Variants in WDPCP observed in about 807,000 individuals in gnomAD.
WDPCP encodes WD repeat-containing and planar cell polarity effector protein fritz homolog.
WDPCP carries 71 observed loss-of-function variants against 93.1 expected under a neutral mutation model. The observed-to-expected ratio is 0.76, with a 90% confidence interval of 0.63 to 0.93. WDPCP has a LOEUF of 0.93. Ranked by LOEUF, WDPCP falls within the 40% of genes least tolerant of loss-of-function variation. WDPCP has a pLI of 0.00. For missense variants in WDPCP, 844 were observed against 887.4 expected (o/e 0.95, Z 0.62); for synonymous variants, 315 against 315.0 (o/e 1.00, Z 0.00).
intron 1 of WDPCP, among the ~76,000 whole-genome samples, chr2:63,504,883 G>A (rs1482007707): frequency 1.3e-5 from 2 of 151,916 alleles, no homozygotes; most frequent in African/African-American, 4.8e-5. Context: ...ATGCCCTAAA[G>A]AATCTTCCCA....
rs1206070869 is a variant in WDPCP at position 63,297,391 on chromosome 2, A to G, written c.1812+15857T>C. 3.3e-5 allele frequency among the ~76,000 whole-genome samples: 5 copies of G among 152,170 alleles called. No individual in the cohort carries two copies. In the South Asian group the frequency reaches 8.3e-4, roughly 25 times the overall value. On this transcript the variant is annotated intron_variant, in intron 13 of 17. Transcript: ENST00000272321. Reference sequence around the variant, plus strand: ...CAGACACACATTCTTGTAAGACAACAGGATCATTCTCAGGGTATACTTAAG... The same window carrying G: ...CAGACACACATTCTTGTAAGACAACGGGATCATTCTCAGGGTATACTTAAG...
At chr2:63,360,159 T>C (rs1690337812) in intron 12 of WDPCP, 1 of 152,198 alleles carries the variant, frequency 6.6e-6, no homozygotes, top group East Asian at 1.9e-4. Flanking sequence ...GAAAAAGAAG[T>C]ATCTATTAAA....
chr2:63,780,387 G>A (rs532640770), intron 2 of WDPCP, among the ~76,000 whole-genome samples: 15 of 152,282 alleles, frequency 9.9e-5, no homozygotes, highest in African/African-American at 3.4e-4. Flanking sequence ...AAGGGTTCTC[G>A]TGCAGGTCTT....
At chr2:63,206,948 T>C (rs993443331) in intron 14 of WDPCP, among the ~76,000 whole-genome samples, 2 of 152,182 alleles carry the variant, frequency 1.3e-5, no homozygotes, top group African/African-American at 4.8e-5. Flanking sequence ...TTCTTTTTAA[T>C]CTTGCAAAAC....
At chr2:63,644,191 A>T (rs370380407) in intron 3 of WDPCP, among the ~76,000 whole-genome samples, 2 of 150,678 alleles carry the variant, frequency 1.3e-5, no homozygotes, top group African/African-American at 4.9e-5. Flanking sequence ...TTTTGGTATC[A>T]CGGTAATACT....
At chr2:63,180,494 A>G (rs193120079) in intron 14 of WDPCP, among the ~76,000 whole-genome samples, 4 of 152,096 alleles carry the variant, frequency 2.6e-5, no homozygotes, top group Non-Finnish European at 4.4e-5. Flanking sequence ...AGTTCCATCA[A>G]TGTTGCTGCA....
intron 1 of WDPCP, among the ~76,000 whole-genome samples, chr2:63,824,310 C>A (rs975243194): frequency 2.6e-5 from 4 of 151,526 alleles, no homozygotes; most frequent in Non-Finnish European, 5.9e-5. Context: ...AATTAAACTT[C>A]TTTTCTTTAT....
At chr2:63,814,959 G>A (rs6726257) in intron 1 of WDPCP, among the ~76,000 whole-genome samples, 98,760 of 152,050 alleles carry the variant, frequency 0.65, 33,015 homozygotes, top group East Asian at 0.82. Context: ...TATTTACCTA[G>A]AAGTTTCAAA....
At chr2:63,492,260 C>T (rs1222503596) in intron 2 of WDPCP, among the ~76,000 whole-genome samples, 2 of 151,964 alleles carry the variant, frequency 1.3e-5, no homozygotes, top group Admixed American at 6.6e-5. Flanking sequence ...TACACTGTAT[C>T]GTATGTTAAT....
intron 13 of WDPCP, among the ~76,000 whole-genome samples, chr2:63,311,273 G>A (rs551656486): frequency 1.1e-4 from 17 of 152,208 alleles, no homozygotes; most frequent in Non-Finnish European, 2.1e-4. Context: ...TAATCTACAA[G>A]CTTTTAATTT....
chr2:63,837,659 T>G, the WDPCP span, among the ~76,000 whole-genome samples: 2 of 152,236 alleles, frequency 1.3e-5, no homozygotes, highest in African/African-American at 4.8e-5. Flanking sequence ...TGCTCATGGG[T>G]AGTTAACACA....
At chr2:63,686,635 C>T (rs1194477750) in intron 2 of WDPCP, among the ~76,000 whole-genome samples, 1 of 152,078 alleles carries the variant, frequency 6.6e-6, no homozygotes, top group Non-Finnish European at 1.5e-5. Flanking sequence ...CAAATCTATC[C>T]TGAGCAAAAA....
At chr2:63,332,113 T>C (rs1442973621) in intron 12 of WDPCP, among the ~76,000 whole-genome samples, 2 of 150,784 alleles carry the variant, frequency 1.3e-5, no homozygotes, top group African/African-American at 2.4e-5. Context: ...TGTGTATATA[T>C]ATGTATATAT....
upstream of WDPCP, chr2:63,589,475 G>T: frequency 1.5e-6 from 2 of 1,297,544 alleles, no homozygotes; most frequent in South Asian, 2.5e-5. Context: ...CAGGGACCTT[G>T]AAAGCAAAAA....
intron 1 of WDPCP, among the ~76,000 whole-genome samples, chr2:63,584,399 ATAT>A (rs1057058834): frequency 3.5e-4 from 53 of 152,148 alleles, no homozygotes; most frequent in African/African-American, 9.4e-4. Context: ...CATAATGTAT[ATAT>A]TATTATATGG....
At chr2:63,795,613 A>C (rs1417718968) in intron 2 of WDPCP, among the ~76,000 whole-genome samples, 31 of 152,152 alleles carry the variant, frequency 2.0e-4, no homozygotes, top group Non-Finnish European at 4.4e-5. Context: ...AAAGAAAGAA[A>C]GAAAGAGAAA....
intron 2 of WDPCP, among the ~76,000 whole-genome samples, chr2:63,708,843 C>A (rs919314439): frequency 4.6e-5 from 7 of 151,738 alleles, no homozygotes. Context: ...ATCTCCTGAC[C>A]TCATGATCCG....
intron 2 of WDPCP, among the ~76,000 whole-genome samples, chr2:63,652,985 A>G (rs937520229): frequency 6.6e-5 from 10 of 151,600 alleles, no homozygotes; most frequent in Non-Finnish European, 1.5e-4. Context: ...GATATTGGAT[A>G]ATAGGCAGTG....
intron 1 of WDPCP, among the ~76,000 whole-genome samples, chr2:63,522,197 C>G (rs932641483): frequency 6.6e-6 from 1 of 151,892 alleles, no homozygotes; most frequent in African/African-American, 2.4e-5. Flanking sequence ...CCCCACCCCC[C>G]GGCAGGTGAT....
Sources: gnomAD v4.1 joint callset for allele counts (sites outside exome capture counted in the v4.1 genomes callset) on GRCh38, gnomAD v4.1.1 for gene constraint, MANE v1.5 for transcripts, NCBI Gene and HGNC (gene_info 2026-07-23, HGNC 2026-07-21) for gene names.